AKAP13: variants seen among roughly 807,000 people sequenced by gnomAD.
The protein encoded by AKAP13 is A-kinase anchoring protein 13, also known as A-kinase anchor protein 13.
AKAP13 carries 80 observed loss-of-function variants against 264.5 expected under a neutral mutation model. That is an observed-to-expected ratio of 0.30 (90% CI 0.25 to 0.36). The LOEUF (loss-of-function observed/expected upper bound fraction) is 0.36, where lower values mean the gene tolerates loss of function less well. AKAP13 is among the 10% of genes least tolerant of loss of function. The probability of loss-of-function intolerance (pLI) is 1.00; values close to 1 mark genes in which losing one functional copy is unlikely to be tolerated. For missense variants in AKAP13, 3,712 were observed against 3,435.2 expected (o/e 1.08, Z -2.01); for synonymous variants, 1,380 against 1,250.2 (o/e 1.10, Z -2.19).
intron 1 of AKAP13, among the ~76,000 whole-genome samples, chr15:85,389,285 G>A (rs1379411015): frequency 6.6e-6 from 1 of 152,124 alleles, no homozygotes; most frequent in Non-Finnish European, 1.5e-5. Context: ...AGCTATGTTT[G>A]TTTTCTAAAC....
intron 30 of AKAP13, among the ~76,000 whole-genome samples, chr15:85,733,446 C>G (rs1206148775): frequency 6.6e-6 from 1 of 151,818 alleles, no homozygotes; most frequent in Non-Finnish European, 1.5e-5. Context: ...TATTTGTTAC[C>G]CTAGGTTGAT....
At chr15:85,601,477 C>G (rs777660446) in intron 8 of AKAP13, among the ~76,000 whole-genome samples, 9 of 152,044 alleles carry the variant, frequency 5.9e-5, no homozygotes, top group Admixed American at 1.3e-4. Context: ...TTAGAAAGCT[C>G]TCACCCAAGA....
rs753208276 is a variant in AKAP13, at chr15:85,744,647, A to G, written c.8412A>G (p.Val2804=). 4 of 1,613,502 alleles carry G rather than the reference A, an allele frequency of 2.5e-6. No individual in the cohort carries two copies. The highest frequency in any genetic ancestry group is 2.5e-6 in the Non-Finnish European group (3 of 1,179,796). ...SQPGDGPASE[V]SAEGEEIFC ...TTCCAGATGGTCCCGCGTCAGAAGT[A>G]TCAGCAGAGGGTGAAGAGATCTTCT... The change falls in exon 37 of 37, where the codon GTA becomes GTG. Residue 2804 remains valine, a synonymous_variant. Coordinates refer to ENST00000394518, the MANE Select transcript of AKAP13 (RefSeq NM_007200.5).
intron 1 of AKAP13, 99 bp downstream of exon 1, chr15:85,380,897 G>T (rs1191466208): frequency 6.6e-6 from 1 of 152,054 alleles, no homozygotes. Context: ...TCGGTGGGGC[G>T]GGCCCCGGAG....
chr15:85,531,152 G>A (rs1258011470), intron 3 of AKAP13, among the ~76,000 whole-genome samples: 2 of 152,134 alleles, frequency 1.3e-5, no homozygotes, highest in Non-Finnish European at 2.9e-5. Context: ...GAGTCATCGC[G>A]CCTGGCCTAA....
At position 85,463,839 on chromosome 15, in the gene AKAP13, G is replaced by A. The variant is rs184276189; in HGVS notation, c.-11-21871G>A. Among the ~76,000 whole-genome samples the A allele has an allele frequency of 8.8e-3, 1,329 of 151,838 alleles. 14 individuals carry two copies. Among genetic ancestry groups the A allele is most frequent in the African/African-American group, 0.031 (1,274 of 41,430 alleles). ...TTTTTTCCCCCTGGGTGATGTTGCT[G>A]GTGGCAGTGCTAGGAGTCAGTTGGT... On this transcript the variant is annotated intron_variant, in intron 1 of 36. Transcript: ENST00000394518.
chr15:85,599,127 A>G (rs2079944519), intron 8 of AKAP13, among the ~76,000 whole-genome samples: 1 of 152,102 alleles, frequency 6.6e-6, no homozygotes, highest in East Asian at 1.9e-4. Context: ...TCTGCTTCAC[A>G]TCAAGCTCAG....
At chr15:85,742,224 T>C (rs944994456) in intron 35 of AKAP13, among the ~76,000 whole-genome samples, 6 of 152,178 alleles carry the variant, frequency 3.9e-5, no homozygotes, top group African/African-American at 1.2e-4. Context: ...GGAGTCTCAG[T>C]GTGTCTGAGA....
intron 1 of AKAP13, among the ~76,000 whole-genome samples, chr15:85,429,475 A>G (rs758089219): frequency 1.6e-4 from 24 of 152,200 alleles, no homozygotes; most frequent in Non-Finnish European, 2.9e-4. Context: ...AATATCTACT[A>G]TAGTACTCTT....
chr15:85,425,726 A>AG (rs1207382281), intron 1 of AKAP13, among the ~76,000 whole-genome samples: 2 of 151,746 alleles, frequency 1.3e-5, no homozygotes, highest in Admixed American at 1.3e-4. Flanking sequence ...AAAAAAAAAA[A>AG]AAAAAAAGAA....
intron 33 of AKAP13, among the ~76,000 whole-genome samples, chr15:85,737,935 G>C (rs2088661899): frequency 6.6e-6 from 1 of 152,012 alleles, no homozygotes; most frequent in African/African-American, 2.4e-5. Flanking sequence ...CACTGCTCCT[G>C]GCCTTGATTT....
chr15:85,527,305 G>T (rs1227234441), intron 3 of AKAP13, among the ~76,000 whole-genome samples: 3 of 152,226 alleles, frequency 2.0e-5, no homozygotes, highest in East Asian at 1.9e-4. Flanking sequence ...CATAACTTTG[G>T]AACCATGAAC....
intron 17 of AKAP13, chr15:85,702,831 A>C (rs2151672265): frequency 6.6e-6 from 1 of 152,316 alleles, no homozygotes; most frequent in South Asian, 2.1e-4. Context: ...CTATTATGTA[A>C]AGCTGTCCTT....
chr15:85,420,521 C>A (rs188105361), intron 1 of AKAP13, among the ~76,000 whole-genome samples: 2 of 152,108 alleles, frequency 1.3e-5, no homozygotes, highest in Admixed American at 6.5e-5. Flanking sequence ...TTGACCATAC[C>A]ATGAGACAGA....
intron 13 of AKAP13, among the ~76,000 whole-genome samples, chr15:85,666,945 A>G (rs980818142): frequency 6.6e-6 from 1 of 152,186 alleles, no homozygotes; most frequent in African/African-American, 2.4e-5. Flanking sequence ...CCTCACTGCA[A>G]GTCTTTTCTC....
chr15:85,472,041 G>A (rs960730969), intron 1 of AKAP13, among the ~76,000 whole-genome samples: 1 of 151,980 alleles, frequency 6.6e-6, no homozygotes, highest in Non-Finnish European at 1.5e-5. Context: ...TCGGTCTTCA[G>A]TATACAGGCC....
At chr15:85,690,850 G>C (rs557932940) in intron 16 of AKAP13, among the ~76,000 whole-genome samples, 2 of 152,194 alleles carry the variant, frequency 1.3e-5, no homozygotes, top group Non-Finnish European at 2.9e-5. Flanking sequence ...AGTTATTGGC[G>C]TGTGGCCTCA....
Position 85,579,705 on chromosome 15 carries a change from A to G in AKAP13, c.1637A>G (p.Asn546Ser), listed in dbSNP as rs906459547. 6.2e-7 allele frequency: 1 copy of G among 1,614,236 alleles called. No homozygotes were observed. Among genetic ancestry groups the G allele is most frequent in the Non-Finnish European group, 8.5e-7 (1 of 1,180,040 alleles). ...CCTGCTGCCAGTTCCCTGGATGGTAACAAACCTGCTGAGTCTTCACTTGCA... is the reference window on the plus strand; with the variant it reads ...CCTGCTGCCAGTTCCCTGGATGGTAGCAAACCTGCTGAGTCTTCACTTGCA... ...CAPAASSLDGNKPAESSLAFS... is the reference protein window; with the variant it reads ...CAPAASSLDGSKPAESSLAFS... Residue 546 changes from asparagine to serine, a missense_variant, in exon 7 of 37, where the codon AAC (asparagine) becomes AGC (serine). Asn to Ser is a conservative substitution (Grantham distance 46). Around this residue, in one of 3 missense-constraint regions of AKAP13, gnomAD observed 2,759 missense variants for 2,411.7 expected, o/e 1.14. Transcript: ENST00000394518.
intron 6 of AKAP13, chr15:85,577,718 G>A (rs941288592): frequency 7.4e-6 from 6 of 814,876 alleles, no homozygotes; most frequent in Non-Finnish European, 8.9e-6. Context: ...ATAGGTATAT[G>A]TTCTCATTTA....
Sources: gnomAD v4.1 joint callset for allele counts (sites outside exome capture counted in the v4.1 genomes callset) on GRCh38, gnomAD v4.1.1 for gene constraint, gnomAD v4.1.1 regional missense constraint, MANE v1.5 for transcripts, NCBI Gene and HGNC (gene_info 2026-07-23, HGNC 2026-07-21) for gene names.